Variants in TANC2 observed in about 807,000 individuals in gnomAD.
TANC2 encodes the protein tetratricopeptide repeat, ankyrin repeat and coiled-coil containing 2.
In TANC2, 26 loss-of-function variants were observed where a neutral mutation model predicts 210.5. The observed-to-expected ratio is 0.12, with a 90% CI of 0.09 to 0.17. The LOEUF is 0.17. TANC2 is among the 10% of genes least tolerant of loss of function. TANC2 has a pLI of 1.00. For missense variants in TANC2, 2,129 were observed against 2,608.9 expected, an observed-to-expected ratio of 0.82 and a Z score of 4.01; for synonymous variants, 931 against 967.1, an observed-to-expected ratio of 0.96 and a Z score of 0.69.
At chr17:63,171,169 C>T (rs1315863713) in intron 5 of TANC2, among the ~76,000 whole-genome samples, 2 of 150,382 alleles carry the variant, frequency 1.3e-5, no homozygotes, top group African/African-American at 4.9e-5. Context: ...CACTGCACTC[C>T]ACCTCCCAGG....
intron 1 of TANC2, among the ~76,000 whole-genome samples, chr17:62,973,918 C>G (rs2031852688): frequency 6.6e-6 from 1 of 152,188 alleles, no homozygotes; most frequent in African/African-American, 2.4e-5. Context: ...TCCATTGGAA[C>G]TTAGCCATAT....
intron 14 of TANC2, among the ~76,000 whole-genome samples, chr17:63,376,864 C>T (rs2147061335): frequency 6.9e-6 from 1 of 145,760 alleles, no homozygotes; most frequent in East Asian, 2.0e-4. Context: ...GTTGCCCAGG[C>T]TGGAGTGCAG....
At chr17:63,099,269 G>A (rs1236679438) in exon 4 of TANC2, 20 of 1,603,190 alleles carry the variant, frequency 1.2e-5, no homozygotes, top group Non-Finnish European at 1.6e-5. Flanking sequence ...TTCGGATTAT[G>A]GAGGGCATGT....
At chr17:63,075,452 T>TA (rs1226410756) in intron 3 of TANC2, among the ~76,000 whole-genome samples, 4 of 152,208 alleles carry the variant, frequency 2.6e-5, no homozygotes, top group African/African-American at 9.6e-5. Context: ...GTATCATTGT[T>TA]AGAGTTAATT....
chr17:63,234,637 A>AT (rs1433383112), intron 7 of TANC2, among the ~76,000 whole-genome samples: 1 of 136,270 alleles, frequency 7.3e-6, no homozygotes, highest in African/African-American at 2.8e-5. Flanking sequence ...GGGTGCTAAA[A>AT]GTTTTTTTTT....
intron 11 of TANC2, among the ~76,000 whole-genome samples, chr17:63,330,667 G>A (rs2045808683): frequency 6.6e-6 from 1 of 152,020 alleles, no homozygotes; most frequent in African/African-American, 2.4e-5. Context: ...GTTAAACATG[G>A]GTATATATTA....
chr17:63,352,884 C>T (rs1168254422), intron 13 of TANC2, among the ~76,000 whole-genome samples: 2 of 152,062 alleles, frequency 1.3e-5, no homozygotes, highest in Admixed American at 6.6e-5. Flanking sequence ...TATTCCCATC[C>T]TCCTAAAGCT....
chr17:63,234,515 A>G (rs1389026034), intron 7 of TANC2, among the ~76,000 whole-genome samples: 4 of 152,228 alleles, frequency 2.6e-5, no homozygotes, highest in Admixed American at 1.3e-4. Context: ...GGGTCTCCTG[A>G]ATGTTCACTG....
intron 12 of TANC2, among the ~76,000 whole-genome samples, chr17:63,342,141 T>C (rs574829451): frequency 4.9e-4 from 75 of 152,164 alleles, no homozygotes; most frequent in Non-Finnish European, 1.0e-3. Flanking sequence ...AATGATGTCC[T>C]TCCAAATAAC....
chr17:63,272,178 AG>A (rs1236806234), intron 9 of TANC2, among the ~76,000 whole-genome samples: 2 of 152,160 alleles, frequency 1.3e-5, no homozygotes, highest in African/African-American at 4.8e-5. Context: ...GCATATGGCT[AG>A]CCAGTTATCC....
chr17:63,200,845 C>T, exon 7 of TANC2: 1 of 1,613,794 alleles, frequency 6.2e-7, no homozygotes. Flanking sequence ...CAGCCAGTAG[C>T]CCCTGCTCTA....
intron 11 of TANC2, among the ~76,000 whole-genome samples, chr17:63,338,236 G>C (rs1321339495): frequency 1.3e-5 from 2 of 152,190 alleles, no homozygotes; most frequent in Admixed American, 6.5e-5. Context: ...CCCACCAACA[G>C]TGTATAAGCA....
intron 10 of TANC2, among the ~76,000 whole-genome samples, chr17:63,318,307 A>G (rs965886124): frequency 6.6e-6 from 1 of 152,236 alleles, no homozygotes; most frequent in African/African-American, 2.4e-5. Flanking sequence ...TTGAATTTTT[A>G]AAAAAATCTT....
At chr17:62,999,008 G>A (rs1268761325) in intron 1 of TANC2, among the ~76,000 whole-genome samples, 1 of 152,218 alleles carries the variant, frequency 6.6e-6, no homozygotes, top group Non-Finnish European at 1.5e-5. Context: ...AGACAAAGCA[G>A]ACTGATATAG....
At chr17:63,023,343 G>T (rs1250860467) in intron 2 of TANC2, among the ~76,000 whole-genome samples, 1 of 152,144 alleles carries the variant, frequency 6.6e-6, no homozygotes, top group East Asian at 1.9e-4. Flanking sequence ...TAGAGCGAAA[G>T]ATTATTTTGT....
At chr17:63,069,161 T>C (rs750825070) in intron 2 of TANC2, among the ~76,000 whole-genome samples, 1 of 152,184 alleles carries the variant, frequency 6.6e-6, no homozygotes, top group Non-Finnish European at 1.5e-5. Context: ...ATATTAAATT[T>C]ATTTACAATA....
At chr17:63,102,059 C>T (rs2037642202) in intron 4 of TANC2, among the ~76,000 whole-genome samples, 1 of 152,124 alleles carries the variant, frequency 6.6e-6, no homozygotes, top group Admixed American at 6.6e-5. Context: ...TCAGCACTTT[C>T]AGAGGCCGAG....
intron 5 of TANC2, among the ~76,000 whole-genome samples, chr17:63,165,141 C>G (rs557865158): frequency 6.6e-6 from 1 of 151,728 alleles, no homozygotes; most frequent in Non-Finnish European, 1.5e-5. Context: ...ATTAGCCAGG[C>G]GTGGTGGCTG....
At chr17:63,246,131 A>G (rs962500765) in intron 8 of TANC2, among the ~76,000 whole-genome samples, 1 of 152,182 alleles carries the variant, frequency 6.6e-6, no homozygotes, top group Admixed American at 6.5e-5. Context: ...TGAATTATCT[A>G]TTTTAGTGTT....
Sources: gnomAD v4.1 joint callset for allele counts (sites outside exome capture counted in the v4.1 genomes callset) on GRCh38, gnomAD v4.1.1 for gene constraint, MANE v1.5 for transcripts, NCBI Gene and HGNC (gene_info 2026-07-23, HGNC 2026-07-21) for gene names.